Variants in PPP2R3A observed in about 807,000 individuals in gnomAD.
PPP2R3A encodes serine/threonine-protein phosphatase 2A regulatory subunit B'' subunit alpha.
Under a neutral mutation model 106.9 loss-of-function variants are expected in PPP2R3A, and 80 were observed. The ratio of observed to expected loss-of-function variants is 0.75; its 90% CI spans 0.62 to 0.90. The LOEUF (loss-of-function observed/expected upper bound fraction) is 0.90, where lower values mean the gene tolerates loss of function less well. Ranked by LOEUF, PPP2R3A falls within the 40% of genes least tolerant of loss-of-function variation. The pLI is 0.00. For missense variants in PPP2R3A, 1,386 were observed against 1,350.4 expected, an observed-to-expected ratio of 1.03 and a Z score of -0.41; for synonymous variants, 483 against 468.3, an observed-to-expected ratio of 1.03 and a Z score of -0.41.
chr3:136,118,481 T>C (rs1937866975), intron 13 of PPP2R3A, among the ~76,000 whole-genome samples: 1 of 152,160 alleles, frequency 6.6e-6, no homozygotes, highest in African/African-American at 2.4e-5. Context: ...GAAAACCCCA[T>C]CATCTCAGCC....
intron 7 of PPP2R3A, among the ~76,000 whole-genome samples, chr3:136,079,704 G>A (rs1936720514): frequency 6.6e-6 from 1 of 151,442 alleles, no homozygotes; most frequent in Non-Finnish European, 1.5e-5. Flanking sequence ...ACCATGCCTG[G>A]CCTAATCCAT....
At chr3:136,103,491 C>A in intron 12 of PPP2R3A, 115 bp downstream of exon 12, 1 of 722,256 alleles carries the variant, frequency 1.4e-6, no homozygotes, top group Non-Finnish European at 2.3e-6. Context: ...ACATTTGTAA[C>A]ATTTCATTAA....
intron 13 of PPP2R3A, among the ~76,000 whole-genome samples, chr3:136,135,743 T>C (rs1263710447): frequency 1.3e-5 from 2 of 152,012 alleles, no homozygotes; most frequent in Non-Finnish European, 2.9e-5. Flanking sequence ...CTACTCCATA[T>C]AGGAGAAATA....
rs758169584 is a variant in PPP2R3A, at chr3:136,002,368, A to G, written c.870A>G (p.Lys290=). ...TGACCAGGTTAGCATCCTATCTGAAAAAGTTACCATTTGAATTCATGCAGT... is the reference window on the plus strand; with the variant it reads ...TGACCAGGTTAGCATCCTATCTGAAGAAGTTACCATTTGAATTCATGCAGT... ...NVMTRLASYL[K]KLPFEFMQSG... is the part of the protein sequence containing the mutation. Residue 290 remains lysine (K), a synonymous_variant, in exon 2 of 14, where the codon AAA becomes AAG. Transcript: ENST00000264977. The G allele has an allele frequency of 2.1e-5, 34 of 1,613,908 alleles. No homozygotes were observed. In the Middle Eastern group the frequency reaches 9.9e-4, roughly 47 times the overall value.
intron 9 of PPP2R3A, 115 bp downstream of exon 9, chr3:136,088,046 C>G (rs1040908879): frequency 3.5e-5 from 27 of 774,152 alleles, no homozygotes; most frequent in Non-Finnish European, 5.3e-5. Flanking sequence ...AAATAATATC[C>G]TATAAAACAT....
intron 13 of PPP2R3A, among the ~76,000 whole-genome samples, chr3:136,120,729 A>G (rs1310787145): frequency 6.6e-6 from 1 of 152,182 alleles, no homozygotes; most frequent in African/African-American, 2.4e-5. Flanking sequence ...TAAAAAAATC[A>G]ACAAGGGAAA....
At position 136,033,812 on chromosome 3, in the gene PPP2R3A, T is replaced by C. The variant is rs778588837; in HGVS notation, c.2262+6714T>C. ...TAGTCTTGCTAATGGTCTATCAATT[T>C]TATTTATCTTTTCAAAGAACTAGCT... is the stretch of plus-strand genomic sequence containing the variant. On this transcript the variant is annotated intron_variant, in intron 3 of 13. Coordinates refer to ENST00000264977, the MANE Select transcript of PPP2R3A (RefSeq NM_002718.5). Among the ~76,000 whole-genome samples the C allele has an allele frequency of 4.5e-4, 68 of 152,260 alleles. No homozygotes were observed. In the Middle Eastern group the frequency reaches 0.01, roughly 23 times the overall value.
intron 2 of PPP2R3A, among the ~76,000 whole-genome samples, chr3:136,011,622 C>T (rs1250919417): frequency 6.6e-6 from 1 of 152,104 alleles, no homozygotes; most frequent in Non-Finnish European, 1.5e-5. Context: ...GATAAAATTA[C>T]GTGTGTAAAC....
At chr3:136,131,320 GAAA>G (rs1378068869) in intron 13 of PPP2R3A, among the ~76,000 whole-genome samples, 1 of 151,842 alleles carries the variant, frequency 6.6e-6, no homozygotes, top group Admixed American at 6.6e-5. Flanking sequence ...AAATTTACAA[GAAA>G]AAAACAACCC....
At chr3:136,092,917 C>T (rs1937128499) in intron 10 of PPP2R3A, among the ~76,000 whole-genome samples, 1 of 152,162 alleles carries the variant, frequency 6.6e-6, no homozygotes, top group South Asian at 2.1e-4. Flanking sequence ...ACCAACCTTA[C>T]CTTTGGACCC....
chr3:136,044,570 C>CAA (rs1247139572), intron 4 of PPP2R3A, among the ~76,000 whole-genome samples: 368 of 75,022 alleles, frequency 4.9e-3, no homozygotes, highest in East Asian at 0.011. Context: ...GACCCTGTCT[C>CAA]AAAAAAAAAA....
intron 4 of PPP2R3A, among the ~76,000 whole-genome samples, chr3:136,044,551 A>T (rs1935404133): frequency 7.0e-6 from 1 of 143,744 alleles, no homozygotes; most frequent in Admixed American, 7.1e-5. Context: ...AGCCTTGACA[A>T]CAGAATGAGA....
intron 1 of PPP2R3A, among the ~76,000 whole-genome samples, chr3:135,969,789 C>T (rs1937192105): frequency 1.3e-5 from 2 of 152,168 alleles, no homozygotes; most frequent in South Asian, 4.2e-4. Flanking sequence ...ATGAAAAATC[C>T]AGATTTGGGG....
intron 3 of PPP2R3A, among the ~76,000 whole-genome samples, chr3:136,033,344 T>G (rs529417535): frequency 3.9e-5 from 6 of 152,324 alleles, no homozygotes; most frequent in East Asian, 3.9e-4. Context: ...TTTTTGTTTG[T>G]TTGGTTGGTT....
intron 10 of PPP2R3A, among the ~76,000 whole-genome samples, chr3:136,100,684 GA>G (rs1452517010): frequency 6.6e-6 from 1 of 150,660 alleles, no homozygotes; most frequent in African/African-American, 2.4e-5. Context: ...GATGCCATCT[GA>G]AAAAAAAATT....
chr3:136,030,230 G>A (rs980410810), intron 3 of PPP2R3A, among the ~76,000 whole-genome samples: 33 of 125,054 alleles, frequency 2.6e-4, no homozygotes, highest in African/African-American at 1.3e-3. Context: ...TAAAAAGTTG[G>A]GGCGGGGGGG....
At chr3:136,050,288 G>A (rs1473341987) in intron 5 of PPP2R3A, among the ~76,000 whole-genome samples, 1 of 152,164 alleles carries the variant, frequency 6.6e-6, no homozygotes, top group Non-Finnish European at 1.5e-5. Flanking sequence ...TGTAAAAAAA[G>A]GATAAGTCTC....
intron 12 of PPP2R3A, among the ~76,000 whole-genome samples, chr3:136,105,033 G>T (rs1406289784): frequency 6.6e-6 from 1 of 152,184 alleles, no homozygotes; most frequent in Non-Finnish European, 1.5e-5. Flanking sequence ...TCTGGGCACT[G>T]TGTTGAAGAG....
intron 7 of PPP2R3A, among the ~76,000 whole-genome samples, chr3:136,081,001 T>C (rs1270310148): frequency 6.7e-6 from 1 of 150,320 alleles, no homozygotes; most frequent in African/African-American, 2.5e-5. Context: ...TTTTTTCTTT[T>C]TTTTTTCTTT....
Sources: gnomAD v4.1 joint callset for allele counts (sites outside exome capture counted in the v4.1 genomes callset) on GRCh38, gnomAD v4.1.1 for gene constraint, MANE v1.5 for transcripts, NCBI Gene and HGNC (gene_info 2026-07-23, HGNC 2026-07-21) for gene names.